The following SMARCA2 variants were observed in gnomAD, a reference collection of about 807,000 sequenced individuals.
SMARCA2 encodes the protein SWI/SNF related BAF chromatin remodeling complex subunit ATPase 2, also known as SWI/SNF-related matrix-associated actin-dependent regulator of chromatin subfamily A member 2.
Under a neutral mutation model 199.8 loss-of-function variants are expected in SMARCA2, and 61 were observed. The observed-to-expected ratio is 0.31, with a 90% CI of 0.25 to 0.38. The LOEUF is 0.38. Among genes scored for constraint, SMARCA2 ranks in the 10% least tolerant of loss-of-function variants. The probability of loss-of-function intolerance (pLI) is 1.00; values close to 1 mark genes in which losing one functional copy is unlikely to be tolerated. For missense variants in SMARCA2, 1,344 were observed against 2,012.2 expected (o/e 0.67, Z 6.35); for synonymous variants, 935 against 732.0 (o/e 1.28, Z -4.48).
chr9:2,157,866 C>A, intron 27 of SMARCA2: 4 of 398,568 alleles, frequency 1.0e-5, no homozygotes, highest in Non-Finnish European at 1.8e-5. Context: ...TCTGGACCTG[C>A]CGTCACGCAG....
chr9:2,111,981 T>A (rs550807197), intron 24 of SMARCA2, among the ~76,000 whole-genome samples: 9 of 152,360 alleles, frequency 5.9e-5, no homozygotes, highest in African/African-American at 1.7e-4. Context: ...CAGCACAGAA[T>A]ATATTAGTTC....
At chr9:2,022,592 G>A (rs2130138451) in intron 1 of SMARCA2, among the ~76,000 whole-genome samples, 1 of 152,266 alleles carries the variant, frequency 6.6e-6, no homozygotes, top group East Asian at 1.9e-4. Context: ...TGATGGTTGA[G>A]TTTTACTCTT....
rs747096590 is a variant in SMARCA2, at chr9:2,047,374, G to C, written c.936G>C (p.Pro312=). The change falls in exon 5 of 34, where the codon CCG becomes CCC. Residue 312 remains proline (P), a synonymous_variant. Transcript: ENST00000349721. ...GGCCCTCAGTGCCGCAGCCGGCCCC[G>C]GGGCAGCCCTCGCCCGTCCTCCAGC... is the stretch of plus-strand genomic sequence containing the variant. The part of the protein sequence containing the change: ...VPGPSVPQPA[P]GQPSPVLQLQ... 2 of 1,547,086 alleles carry C rather than the reference G, an allele frequency of 1.3e-6. No individual in the cohort carries two copies. Among genetic ancestry groups the C allele is most frequent in the Non-Finnish European group, 1.7e-6 (2 of 1,147,454 alleles).
chr9:2,189,253 A>G (rs1025718841), intron 32 of SMARCA2, among the ~76,000 whole-genome samples: 5 of 152,150 alleles, frequency 3.3e-5, no homozygotes, highest in African/African-American at 1.2e-4. Context: ...TTGTATCATA[A>G]AACCTTAGGA....
At chr9:2,172,999 A>T (rs1826340323) in intron 29 of SMARCA2, among the ~76,000 whole-genome samples, 1 of 152,220 alleles carries the variant, frequency 6.6e-6, no homozygotes, top group Non-Finnish European at 1.5e-5. Context: ...GGCAGTAGGT[A>T]GGAAGACAAG....
chr9:2,104,235 G>C lies in SMARCA2; in HGVS notation c.3292+66G>C. The C allele has an allele frequency of 7.1e-7, 1 of 1,407,756 alleles. No individual in the cohort carries two copies. Among genetic ancestry groups the C allele is most frequent in the Non-Finnish European group, 9.8e-7 (1 of 1,020,746 alleles). 87.2% of individuals were successfully genotyped at this position (1,407,756 alleles called of 1,614,324 possible). A position where few individuals can be genotyped will look rare whatever the true frequency, so the allele number is the denominator to read the frequency against. ...AAAATGAAGGGATAATGGGCACTTA[G>C]GTCCAATCTCAGCCAAAAAGAAGGG... On this transcript the variant is annotated intron_variant, in intron 23 of 33. Coordinates refer to ENST00000349721, the MANE Select transcript of SMARCA2 (RefSeq NM_003070.5). The surrounding 1 kb of genome is among the most constrained non-coding windows in gnomAD (Gnocchi z 4.0).
chr9:2,058,807 A>G (rs1331791738), intron 8 of SMARCA2, among the ~76,000 whole-genome samples: 1 of 152,200 alleles, frequency 6.6e-6, no homozygotes, highest in Non-Finnish European at 1.5e-5. Context: ...TTTTAAAAAT[A>G]TGGCCTCTTT....
chr9:2,118,755 G>A (rs990717463), intron 25 of SMARCA2, among the ~76,000 whole-genome samples: 10 of 152,104 alleles, frequency 6.6e-5, no homozygotes, highest in African/African-American at 2.2e-4. Flanking sequence ...TTTGTTTGAC[G>A]TAATATAAAA....
At chr9:2,033,843 C>T (rs920668723) in intron 3 of SMARCA2, among the ~76,000 whole-genome samples, 1 of 152,126 alleles carries the variant, frequency 6.6e-6, no homozygotes, top group African/African-American at 2.4e-5. Context: ...GAAATTTTTC[C>T]TGTGTGTCTG....
chr9:2,189,258 T>C (rs200852818), intron 32 of SMARCA2, among the ~76,000 whole-genome samples: 39 of 152,304 alleles, frequency 2.6e-4, no homozygotes, highest in Non-Finnish European at 4.9e-4. Context: ...TCATAAAACC[T>C]TAGGAAGCTG....
Position 2,086,721 on chromosome 9 carries a change from C to A in SMARCA2, c.2527-108C>A. ...TGTCTCAAAGGTAATCACAGCATAT[C>A]ATATACCAAGGATGGGTTCTTTGGT... is the stretch of plus-strand genomic sequence containing the variant. On this transcript the variant is annotated intron_variant, in intron 17 of 33. Transcript: ENST00000349721. The surrounding 1 kb of genome is among the most constrained non-coding windows in gnomAD (Gnocchi z 4.3). 8.3e-7 allele frequency: 1 copy of A among 1,211,886 alleles called. No homozygotes were observed. Among genetic ancestry groups the A allele is most frequent in the Non-Finnish European group, 1.2e-6 (1 of 844,556 alleles). 75.1% of individuals were successfully genotyped at this position (1,211,886 alleles called of 1,614,324 possible).
At chr9:2,106,649 T>C (rs768766662) in intron 23 of SMARCA2, among the ~76,000 whole-genome samples, 3 of 152,230 alleles carry the variant, frequency 2.0e-5, no homozygotes, top group Non-Finnish European at 4.4e-5. Context: ...TTTTCATTGC[T>C]GAATTTGATG....
In SMARCA2 at chr9:2,104,230, A is replaced by T; in HGVS notation, c.3292+61A>T. ...TACTGAAAATGAAGGGATAATGGGC[A>T]CTTAGGTCCAATCTCAGCCAAAAAG... On this transcript the variant is annotated intron_variant, in intron 23 of 33. Transcript: ENST00000349721. The surrounding 1 kb of genome is among the most constrained non-coding windows in gnomAD (Gnocchi z 4.0). The T allele has an allele frequency of 7.0e-7, 1 of 1,437,438 alleles. No individual in the cohort carries two copies. Among genetic ancestry groups the T allele is most frequent in the South Asian group, 1.2e-5 (1 of 80,452 alleles). The allele number at this position is 1,437,438 out of a possible 1,614,324, so 89.0% of individuals were successfully genotyped here.
chr9:2,173,437 G>T (rs1199329741), intron 29 of SMARCA2, among the ~76,000 whole-genome samples: 1 of 152,174 alleles, frequency 6.6e-6, no homozygotes, highest in Non-Finnish European at 1.5e-5. Flanking sequence ...AAGCACCTCT[G>T]CATTTAGTGG....
At chr9:2,126,320 A>T (rs1468014008) in intron 27 of SMARCA2, among the ~76,000 whole-genome samples, 1 of 152,260 alleles carries the variant, frequency 6.6e-6, no homozygotes, top group African/African-American at 2.4e-5. Context: ...TCTTTTTGTA[A>T]TCTAATCTTT....
chr9:2,068,020 G>T (rs1408570773), intron 9 of SMARCA2, among the ~76,000 whole-genome samples: 2 of 152,112 alleles, frequency 1.3e-5, no homozygotes, highest in African/African-American at 4.8e-5. Flanking sequence ...TGTCTCATTT[G>T]ATTTTCTTTG....
chr9:2,031,756 G>A (rs911282433), intron 2 of SMARCA2, among the ~76,000 whole-genome samples: 2 of 152,128 alleles, frequency 1.3e-5, no homozygotes, highest in African/African-American at 4.8e-5. Context: ...AGTTCCCTGC[G>A]TGAGGACACG....
At chr9:2,072,387 T>G (rs779263055) in intron 10 of SMARCA2, among the ~76,000 whole-genome samples, 16 of 152,242 alleles carry the variant, frequency 1.1e-4, no homozygotes, top group Non-Finnish European at 2.2e-4. Context: ...CTTGTGTTCC[T>G]TGGATATAGT....
chr9:2,167,129 G>A (rs1459173846), intron 28 of SMARCA2, among the ~76,000 whole-genome samples: 1 of 152,102 alleles, frequency 6.6e-6, no homozygotes, highest in African/African-American at 2.4e-5. Context: ...CCATTTTTGT[G>A]CTCTGTGATT....
Sources: allele counts gnomAD v4.1 joint callset (sites outside exome capture counted in the v4.1 genomes callset), GRCh38; gene constraint gnomAD v4.1.1; non-coding constraint Gnocchi (gnomAD v3.1); transcripts MANE v1.5; gene names NCBI Gene and HGNC (gene_info 2026-07-23, HGNC 2026-07-21).